Variants in HIBADH observed in about 807,000 individuals in gnomAD.
HIBADH encodes the protein 3-hydroxyisobutyrate dehydrogenase, also known as 3-hydroxyisobutyrate dehydrogenase, mitochondrial.
In HIBADH, 25 loss-of-function variants were observed where a neutral mutation model predicts 36.1. That is an observed-to-expected ratio of 0.69 (90% CI 0.50 to 0.97). The LOEUF is 0.97. Ranked by LOEUF, HIBADH falls within the 50% of genes least tolerant of loss-of-function variation. The pLI is 0.00. For synonymous variants in HIBADH, 160 were observed against 149.5 expected (o/e 1.07, Z -0.51); for missense variants, 421 against 418.0 (o/e 1.01, Z -0.06).
At chr7:27,586,409 G>A (rs976785119) in intron 4 of HIBADH, among the ~76,000 whole-genome samples, 1 of 151,566 alleles carries the variant, frequency 6.6e-6, no homozygotes, top group Non-Finnish European at 1.5e-5. Context: ...GAGGGAGGGA[G>A]GGGAAGGGGT....
chr7:27,635,694 C>T (rs955534905), intron 2 of HIBADH, among the ~76,000 whole-genome samples: 6 of 152,218 alleles, frequency 3.9e-5, no homozygotes, highest in Admixed American at 3.3e-4. Context: ...ATTTGCAGGA[C>T]TTTCACCGTG....
At chr7:27,571,241 A>G (rs563850672) in intron 4 of HIBADH, among the ~76,000 whole-genome samples, 2,030 of 149,012 alleles carry the variant, frequency 0.014, 14 homozygotes, top group Middle Eastern at 0.034. Context: ...TTTTTTTTTG[A>G]GACGGAGTTT....
At chr7:27,650,101 A>G (rs2128297058) in intron 1 of HIBADH, among the ~76,000 whole-genome samples, 1 of 152,266 alleles carries the variant, frequency 6.6e-6, no homozygotes, top group African/African-American at 2.4e-5. Flanking sequence ...TATCATTTAT[A>G]AAACACCTAA....
chr7:27,561,705 G>A (rs1784471043), intron 4 of HIBADH, among the ~76,000 whole-genome samples: 1 of 152,074 alleles, frequency 6.6e-6, no homozygotes, highest in South Asian at 2.1e-4. Flanking sequence ...TATACTGAAA[G>A]GTCCCACTGT....
intron 4 of HIBADH, among the ~76,000 whole-genome samples, chr7:27,579,084 T>A (rs1295150320): frequency 6.6e-6 from 1 of 152,302 alleles, no homozygotes; most frequent in East Asian, 1.9e-4. Flanking sequence ...AAATGTAACA[T>A]ATGAACTTTT....
chr7:27,613,138 ATAAATATATTTTATATAAATATATATATT>A (rs1785356737), intron 4 of HIBADH, among the ~76,000 whole-genome samples: 1 of 120,344 alleles, frequency 8.3e-6, no homozygotes, highest in Non-Finnish European at 1.7e-5. Context: ...ATATATTTAT[ATAAATATATTTTATATAAATATATATATT>A]TATATAAATA....
chr7:27,632,580 C>CAAAA (rs143191859), intron 2 of HIBADH, 135 bp from the exon 3 acceptor site: 2 of 202,142 alleles, frequency 9.9e-6, no homozygotes, highest in Admixed American at 8.5e-5. Flanking sequence ...TGCAAATGAC[C>CAAAA]AAAAAAAAAA....
intron 4 of HIBADH, among the ~76,000 whole-genome samples, chr7:27,559,584 A>T (rs972637099): frequency 2.0e-5 from 3 of 152,130 alleles, no homozygotes; most frequent in African/African-American, 7.2e-5. Flanking sequence ...GTGAGGTATG[A>T]TCACTCCACT....
At chr7:27,530,634 T>G (rs1336348417) in intron 7 of HIBADH, among the ~76,000 whole-genome samples, 1 of 152,180 alleles carries the variant, frequency 6.6e-6, no homozygotes, top group Non-Finnish European at 1.5e-5. Context: ...TTTTCTGTAG[T>G]TGAGAACATA....
chr7:27,592,993 T>C (rs549070746), intron 4 of HIBADH, among the ~76,000 whole-genome samples: 9 of 152,266 alleles, frequency 5.9e-5, no homozygotes, highest in African/African-American at 1.7e-4. Context: ...TACTCTCCTT[T>C]AAGGTCACAA....
rs886242769 is a variant in HIBADH, at chr7:27,526,487, T to C, written c.853-115A>G. 10 of 687,892 alleles carry C rather than the reference T, an allele frequency of 1.5e-5. No homozygotes were observed. The African/African-American group carries it at 1.7e-4, about 12-fold the overall frequency. The allele number at this position is 687,892 out of a possible 1,614,324, so 42.6% of individuals were successfully genotyped here. A position where few individuals can be genotyped will look rare whatever the true frequency, so the allele number is the denominator to read the frequency against. On this transcript the variant is annotated intron_variant, in intron 7 of 7. Coordinates refer to ENST00000265395, the MANE Select transcript of HIBADH (RefSeq NM_152740.4). ...AAAAATGTAATCTGAAAAAATAAGA[T>C]ACTTATAAATACTATGGTAAGTTAA...
At chr7:27,538,947 TAAG>T (rs554315143) in intron 5 of HIBADH, among the ~76,000 whole-genome samples, 90 of 151,984 alleles carry the variant, frequency 5.9e-4, no homozygotes, top group Non-Finnish European at 9.3e-4. Flanking sequence ...GGTAAATATA[TAAG>T]AAGGATTAAA....
intron 6 of HIBADH, 131 bp from the exon 7 acceptor site, chr7:27,531,479 T>TA: frequency 1.4e-6 from 1 of 734,022 alleles, no homozygotes; most frequent in Non-Finnish European, 2.1e-6. Flanking sequence ...AGCAGGTTGA[T>TA]ACGAGAGTGA....
intron 3 of HIBADH, among the ~76,000 whole-genome samples, chr7:27,630,921 T>C (rs540621654): frequency 6.6e-6 from 1 of 152,250 alleles, no homozygotes; most frequent in South Asian, 2.1e-4. Flanking sequence ...ATCTGTGATC[T>C]TAATATTTTA....
chr7:27,531,209 T>C lies in HIBADH; in HGVS notation c.835A>G (p.Thr279Ala), dbSNP rs1562611306. 6.2e-7 allele frequency: 1 copy of C among 1,613,782 alleles called. No homozygotes were observed. The highest frequency in any genetic ancestry group is 1.7e-5 in the Admixed American group (1 of 59,996). ...TACCATACCTTAGCCATGAGTGTTG[T>C]TCCAAATCCACCCTGATAGTTATTA... is the stretch of plus-strand genomic sequence containing the variant. The part of the protein sequence containing the change: ...SANNYQGGFG[T>A]TLMAKDLGLA... The change falls in exon 7 of 8, where the codon ACA becomes GCA. Residue 279 changes from threonine (T) to alanine (A), a missense_variant. Transcript: ENST00000265395.
chr7:27,599,982 T>C lies in HIBADH; in HGVS notation c.484+29389A>G, dbSNP rs375303268. Among the ~76,000 whole-genome samples, 32 of 152,262 alleles carry C rather than the reference T, an allele frequency of 2.1e-4. 1 individual carries two copies. In the South Asian group the frequency reaches 6.4e-3, roughly 31 times the overall value. ...TCAAAGTTTAAGTTACTATGGGATATGGAAGAAGTAACAGAGATAAGTAAC... is the reference window on the plus strand; with the variant it reads ...TCAAAGTTTAAGTTACTATGGGATACGGAAGAAGTAACAGAGATAAGTAAC... On this transcript the variant is annotated intron_variant, in intron 4 of 7. Coordinates refer to ENST00000265395, the MANE Select transcript of HIBADH (RefSeq NM_152740.4).
At chr7:27,599,232 T>G (rs1198271616) in intron 4 of HIBADH, among the ~76,000 whole-genome samples, 1 of 152,154 alleles carries the variant, frequency 6.6e-6, no homozygotes, top group Non-Finnish European at 1.5e-5. Flanking sequence ...GTTTATCAAA[T>G]GCATTCCTTA....
chr7:27,629,602 T>C (rs1281539947), intron 3 of HIBADH, 110 bp from the exon 4 acceptor site: 2 of 654,868 alleles, frequency 3.1e-6, no homozygotes, highest in Non-Finnish European at 4.7e-6. Flanking sequence ...CAAGGAGGAT[T>C]TTAGTTTAGT....
chr7:27,547,532 G>T (rs1197061348), intron 4 of HIBADH, among the ~76,000 whole-genome samples: 1 of 152,146 alleles, frequency 6.6e-6, no homozygotes, highest in African/African-American at 2.4e-5. Flanking sequence ...GAGATTCTCA[G>T]GAGGCAAGAG....
Sources: allele counts gnomAD v4.1 joint callset (sites outside exome capture counted in the v4.1 genomes callset), GRCh38; gene constraint gnomAD v4.1.1; transcripts MANE v1.5; gene names NCBI Gene and HGNC (gene_info 2026-07-23, HGNC 2026-07-21).